The following CEACAM1 variants were observed in gnomAD, a reference collection of about 807,000 sequenced individuals.
The protein encoded by CEACAM1 is CEA cell adhesion molecule 1, also known as cell adhesion molecule CEACAM1.
CEACAM1 carries 31 observed loss-of-function variants against 49.1 expected under a neutral mutation model. The observed-to-expected ratio is 0.63, with a 90% CI of 0.47 to 0.85. The LOEUF is 0.85. CEACAM1 is among the 40% of genes least tolerant of loss of function. The pLI is 0.00. For synonymous variants in CEACAM1, 244 were observed against 247.8 expected, an observed-to-expected ratio of 0.98 and a Z score of 0.14; for missense variants, 570 against 645.3, an observed-to-expected ratio of 0.88 and a Z score of 1.26.
chr19:42,519,686 C>T (rs1232262806), intron 4 of CEACAM1, among the ~76,000 whole-genome samples: 2 of 152,058 alleles, frequency 1.3e-5, no homozygotes, highest in Non-Finnish European at 2.9e-5. Flanking sequence ...TCTCCTGCCT[C>T]AGCCTCCCGA....
At chr19:42,512,571 A>C in intron 5 of CEACAM1, 92 bp from the exon 6 acceptor site, 1 of 1,275,744 alleles carries the variant, frequency 7.8e-7, no homozygotes, top group Non-Finnish European at 1.1e-6. Context: ...GTAGTTTCTA[A>C]TTGTTCCTTC....
chr19:42,513,946 TTTC>T (rs1413918790), intron 5 of CEACAM1, among the ~76,000 whole-genome samples: 16 of 134,862 alleles, frequency 1.2e-4, no homozygotes, highest in African/African-American at 3.5e-4. Flanking sequence ...TTTGCATCTA[TTTC>T]TTCTTCTTCT....
rs1276894342 is a variant in CEACAM1 at position 42,508,049 on chromosome 19, G to T, written c.*1060C>A. On this transcript the variant is annotated 3_prime_UTR_variant, in exon 9 of 9. Coordinates refer to ENST00000161559, the MANE Select transcript of CEACAM1 (RefSeq NM_001712.5). The stretch of plus-strand genomic sequence containing the variant: ...CCTCTGACAAAAAAAATCTTGAGAG[G>T]CTCCTGACCAAGGGACCTGAGGGAT... The T allele has an allele frequency of 6.6e-6, 1 of 151,974 alleles. No homozygotes were observed. Among genetic ancestry groups the T allele is most frequent in the Non-Finnish European group, 1.5e-5 (1 of 67,988 alleles). The allele number at this position is 151,974 out of a possible 1,614,324, so 9.4% of individuals were successfully genotyped here.
chr19:42,509,260 A>G (rs2041396235), intron 8 of CEACAM1, 32 bp from the exon 9 acceptor site: 1 of 1,583,796 alleles, frequency 6.3e-7, no homozygotes, highest in Admixed American at 1.7e-5. Flanking sequence ...CAGTTAAGTC[A>G]GTGACACAGG....
chr19:42,516,315 G>A (rs1443354540), intron 5 of CEACAM1, among the ~76,000 whole-genome samples: 1 of 152,088 alleles, frequency 6.6e-6, no homozygotes, highest in African/African-American at 2.4e-5. Flanking sequence ...ATTTAGCAAA[G>A]TGGCAGGATA....
intron 2 of CEACAM1, chr19:42,525,837 G>A (rs2041877134): frequency 6.6e-6 from 1 of 152,218 alleles, no homozygotes; most frequent in African/African-American, 2.4e-5. Context: ...TCCCCTCAGT[G>A]AAATAGTATA....
Position 42,521,295 on chromosome 19 carries a change from C to T in CEACAM1, c.930G>A (p.Arg310=), listed in dbSNP as rs1240032734. The part of the protein sequence containing the change: ...HANNSVTGCN[R]TTVKTIIVTE... The stretch of plus-strand genomic sequence containing the variant: ...TGACTATGATCGTCTTGACTGTGGT[C>T]CTGTTGCAGCCAGTGACTGAGTTAT... Residue 310 remains arginine, a synonymous_variant, in exon 4 of 9, where the codon AGG becomes AGA. Coordinates refer to ENST00000161559, the MANE Select transcript of CEACAM1 (RefSeq NM_001712.5). 6.2e-7 allele frequency: 1 copy of T among 1,614,188 alleles called. No individual in the cohort carries two copies. The highest frequency in any genetic ancestry group is 1.1e-5 in the South Asian group (1 of 91,084).
intron 2 of CEACAM1, among the ~76,000 whole-genome samples, chr19:42,522,465 G>T (rs966011639): frequency 2.0e-5 from 3 of 151,904 alleles, no homozygotes; most frequent in African/African-American, 7.3e-5. Context: ...GCCCAGGCTG[G>T]TCTCAAACTC....
intron 2 of CEACAM1, among the ~76,000 whole-genome samples, chr19:42,522,870 C>T (rs370926497): frequency 5.1e-4 from 78 of 152,320 alleles, no homozygotes; most frequent in African/African-American, 1.9e-3. Flanking sequence ...CTCCCCACCT[C>T]TCAGCCAACC....
intron 4 of CEACAM1, among the ~76,000 whole-genome samples, chr19:42,519,756 A>C (rs1433577644): frequency 6.6e-6 from 1 of 151,918 alleles, no homozygotes; most frequent in Non-Finnish European, 1.5e-5. Flanking sequence ...TTTTTAGTAG[A>C]GACGGGGTTT....
At chr19:42,514,767 T>C (rs2041556643) in intron 5 of CEACAM1, among the ~76,000 whole-genome samples, 1 of 152,176 alleles carries the variant, frequency 6.6e-6, no homozygotes, top group Non-Finnish European at 1.5e-5. Flanking sequence ...ATTATTTCCA[T>C]TTTAAACATG....
chr19:42,521,385 G>T lies in CEACAM1; in HGVS notation c.840C>A (p.Ser280Arg), dbSNP rs761196092. The T allele has an allele frequency of 6.2e-7, 1 of 1,614,238 alleles. No homozygotes were observed. The highest frequency in any genetic ancestry group is 1.1e-5 in the South Asian group (1 of 91,086). The part of the protein sequence containing the change: ...SWLINGTFQQ[S>R]TQELFIPNIT... Reference sequence around the variant, plus strand: ...TGTTAGGGATAAAGAGCTCTTGTGTGCTTTGCTGGAATGTTCCATTGATAA... The same window carrying T: ...TGTTAGGGATAAAGAGCTCTTGTGTTCTTTGCTGGAATGTTCCATTGATAA... The change falls in exon 4 of 9, where the codon AGC (serine) becomes AGA (arginine). Residue 280 changes from serine (S) to arginine (R), a missense_variant. Ser to Arg is a moderately radical substitution (Grantham distance 110). Transcript: ENST00000161559.
intron 3 of CEACAM1, 52 bp from the exon 4 acceptor site, chr19:42,521,573 G>A (rs1193956891): frequency 1.3e-6 from 2 of 1,586,864 alleles, no homozygotes; most frequent in South Asian, 2.3e-5. Flanking sequence ...GGAAGGGGAA[G>A]CTGCTGGTCT....
chr19:42,511,755 G>A (rs892240515), intron 6 of CEACAM1, 127 bp from the exon 7 acceptor site: 8 of 812,434 alleles, frequency 9.8e-6, no homozygotes, highest in African/African-American at 8.4e-5. Context: ...TTTCTTCTGA[G>A]GGCCTCGTTC....
At position 42,510,924 on chromosome 19, in the gene CEACAM1, G is replaced by C. The variant is rs2041441935; in HGVS notation, c.1430-4C>G. ...GGGTCATTGGAGTGGTCCTGAGCTGGAGAAGCAAAAGAAGAGTTAGCGATC... is the reference window on the plus strand; with the variant it reads ...GGGTCATTGGAGTGGTCCTGAGCTGCAGAAGCAAAAGAAGAGTTAGCGATC... On this transcript the variant is annotated splice_region_variant and splice_polypyrimidine_tract_variant and intron_variant, in intron 7 of 8. Transcript: ENST00000161559. The C allele has an allele frequency of 1.2e-6, 2 of 1,614,012 alleles. No individual in the cohort carries two copies. The highest frequency in any genetic ancestry group is 2.7e-5 in the African/African-American group (2 of 75,036).
chr19:42,524,942 T>A (rs762867879), intron 2 of CEACAM1, among the ~76,000 whole-genome samples: 1 of 152,044 alleles, frequency 6.6e-6, no homozygotes, highest in Non-Finnish European at 1.5e-5. Context: ...TGGGTCTCAG[T>A]CTCTGGAGGG....
At chr19:42,518,599 G>T (rs2041659045) in intron 5 of CEACAM1, 1 of 261,866 alleles carries the variant, frequency 3.8e-6, no homozygotes, top group Non-Finnish European at 7.3e-6. Flanking sequence ...CCAGGTTCAC[G>T]CCATTCTCCC....
In CEACAM1 at chr19:42,508,545, A is replaced by G. The variant is rs2041381478; in HGVS notation, c.*564T>C. ...GTGCTTAGACCCTGATCCTACAGGT[A>G]GACAACCCTGACAGTGGACAAAGGT... On this transcript the variant is annotated 3_prime_UTR_variant, in exon 9 of 9. Transcript: ENST00000161559. 6.5e-6 allele frequency: 1 copy of G among 153,174 alleles called. No individual in the cohort carries two copies. The highest frequency in any genetic ancestry group is 2.4e-5 in the African/African-American group (1 of 41,474). 9.5% of individuals were successfully genotyped at this position (153,174 alleles called of 1,614,324 possible). A position where few individuals can be genotyped will look rare whatever the true frequency, so the allele number is the denominator to read the frequency against.
At chr19:42,512,859 G>A (rs1049093332) in intron 5 of CEACAM1, among the ~76,000 whole-genome samples, 15 of 152,002 alleles carry the variant, frequency 9.9e-5, no homozygotes, top group Non-Finnish European at 8.8e-5. Context: ...GTAGAGACGG[G>A]GTTTCACCAT....
Sources: gnomAD v4.1 joint callset for allele counts (sites outside exome capture counted in the v4.1 genomes callset) on GRCh38, gnomAD v4.1.1 for gene constraint, MANE v1.5 for transcripts, NCBI Gene and HGNC (gene_info 2026-07-23, HGNC 2026-07-21) for gene names.